The following NUFIP2 variants were observed in gnomAD, a reference collection of about 807,000 sequenced individuals.
The protein encoded by NUFIP2 is FMR1-interacting protein NUFIP2.
Under a neutral mutation model 56.9 loss-of-function variants are expected in NUFIP2, and 6 were observed. The observed-to-expected ratio is 0.11, with a 90% CI of 0.06 to 0.21. The LOEUF is 0.21. NUFIP2 is among the 10% of genes least tolerant of loss of function. NUFIP2 has a pLI of 1.00. For synonymous variants in NUFIP2, 321 were observed against 298.2 expected, an observed-to-expected ratio of 1.08 and a Z score of -0.79; for missense variants, 828 against 826.8, an observed-to-expected ratio of 1.00 and a Z score of -0.02.
rs990847252 is a variant in NUFIP2, at chr17:29,258,001, T to C, written c.*6538A>G. 6.6e-6 allele frequency: 1 copy of C among 152,298 alleles called. No individual in the cohort carries two copies. The highest frequency in any genetic ancestry group is 1.9e-4 in the East Asian group (1 of 5,192). 9.4% of individuals were successfully genotyped at this position (152,298 alleles called of 1,614,324 possible). On this transcript the variant is annotated 3_prime_UTR_variant, in exon 4 of 4. Transcript: ENST00000225388. ...GGGCAATAGAATGAGCATTTCATAC[T>C]GCATAAAAATTAGTGAGGTGGTAAG...
intron 2 of NUFIP2, among the ~76,000 whole-genome samples, chr17:29,275,358 C>G (rs1035328671): frequency 1.1e-4 from 16 of 151,960 alleles, no homozygotes; most frequent in African/African-American, 3.9e-4. Flanking sequence ...TATAAAGTAA[C>G]AGAACTGGAC....
chr17:29,286,893 G>C lies in NUFIP2; in HGVS notation c.1101C>G (p.Asn367Lys). 1 of 1,614,182 alleles carries C rather than the reference G, an allele frequency of 6.2e-7. No homozygotes were observed. The highest frequency in any genetic ancestry group is 8.5e-7 in the Non-Finnish European group (1 of 1,180,028). Residue 367 changes from asparagine to lysine, a missense_variant, in exon 2 of 4, where the codon AAC becomes AAG. By Grantham distance (94) the Asn-to-Lys change is moderately conservative. Around this residue, in one of 3 missense-constraint regions of NUFIP2, gnomAD observed 404 missense variants for 380.3 expected, o/e 1.06. Coordinates refer to ENST00000225388, the MANE Select transcript of NUFIP2 (RefSeq NM_020772.3). Reference sequence around the variant, plus strand: ...ACACAGAAGAGTTCTGTATAGTTTTGTTGAGGTTTTCCTTAACTTTGCTTG... The same window carrying C: ...ACACAGAAGAGTTCTGTATAGTTTTCTTGAGGTTTTCCTTAACTTTGCTTG... ...SYASKVKENLNKTIQNSSVSP... is the reference protein window; with the variant it reads ...SYASKVKENLKKTIQNSSVSP...
chr17:29,285,021 G>A (rs970804031), intron 2 of NUFIP2, among the ~76,000 whole-genome samples: 4 of 152,182 alleles, frequency 2.6e-5, no homozygotes, highest in African/African-American at 9.6e-5. Flanking sequence ...GCAAAGGAGA[G>A]GCTGGGCACG....
At chr17:29,275,101 C>T (rs71371111) in intron 2 of NUFIP2, among the ~76,000 whole-genome samples, 7,424 of 152,118 alleles carry the variant, frequency 0.049, 260 homozygotes, top group South Asian at 0.16. Flanking sequence ...TCACTGCAAC[C>T]TCCACCTCCT....
intron 2 of NUFIP2, among the ~76,000 whole-genome samples, chr17:29,268,990 A>T (rs893366715): frequency 6.6e-6 from 1 of 152,220 alleles, no homozygotes; most frequent in African/African-American, 2.4e-5. Flanking sequence ...AATTATAGCG[A>T]CATACACAGA....
At chr17:29,289,051 G>A (rs1244723934) in intron 1 of NUFIP2, among the ~76,000 whole-genome samples, 2 of 152,088 alleles carry the variant, frequency 1.3e-5, no homozygotes, top group Non-Finnish European at 2.9e-5. Flanking sequence ...GAGGGAGGAG[G>A]ATAGCTTGAA....
rs1378123456 is a variant in NUFIP2 at position 29,290,740 on chromosome 17, T to C, written c.278-3024A>G. 7.2e-5 allele frequency among the ~76,000 whole-genome samples: 11 copies of C among 151,764 alleles called. No individual in the cohort carries two copies. In the East Asian group the frequency reaches 2.1e-3, roughly 29 times the overall value. ...CTCTTCTCATCATTTTTAACAGATA[T>C]AACTTTATCTCCTTACCTAACTCTG... On this transcript the variant is annotated intron_variant, in intron 1 of 3. Coordinates refer to ENST00000225388, the MANE Select transcript of NUFIP2 (RefSeq NM_020772.3).
intron 1 of NUFIP2, among the ~76,000 whole-genome samples, chr17:29,288,248 T>C (rs1247817189): frequency 3.9e-4 from 59 of 152,220 alleles, no homozygotes; most frequent in Non-Finnish European, 7.4e-5. Context: ...GATTTCACCA[T>C]GTTAGCCAGG....
chr17:29,281,084 CAG>C (rs1371965618), intron 2 of NUFIP2, among the ~76,000 whole-genome samples: 1 of 151,828 alleles, frequency 6.6e-6, no homozygotes, highest in African/African-American at 2.4e-5. Flanking sequence ...CCCTTGAGGC[CAG>C]GAGTTCAAGA....
At position 29,261,071 on chromosome 17, in the gene NUFIP2, C is replaced by T. The variant is rs373267120; in HGVS notation, c.*3468G>A. On this transcript the variant is annotated 3_prime_UTR_variant, in exon 4 of 4. Coordinates refer to ENST00000225388, the MANE Select transcript of NUFIP2 (RefSeq NM_020772.3). ...GGTGAATAAAGAGAAAGATAATACA[C>T]CCTGTGTATTTTGTGGGAAAAGGGG... 7 of 152,040 alleles carry T rather than the reference C, an allele frequency of 4.6e-5. No homozygotes were observed. The highest frequency in any genetic ancestry group is 7.3e-5 in the African/African-American group (3 of 41,376). 9.4% of individuals were successfully genotyped at this position (152,040 alleles called of 1,614,324 possible).
At chr17:29,266,342 A>G (rs2069036470) in intron 3 of NUFIP2, among the ~76,000 whole-genome samples, 1 of 152,004 alleles carries the variant, frequency 6.6e-6, no homozygotes, top group Admixed American at 6.6e-5. Context: ...CGGAAGAAAG[A>G]GCAACATTGG....
chr17:29,257,656 T>C lies in NUFIP2; in HGVS notation c.*6883A>G, dbSNP rs190591923. 3 of 152,312 alleles carry C rather than the reference T, an allele frequency of 2.0e-5. No homozygotes were observed. The highest frequency in any genetic ancestry group is 6.5e-5 in the Admixed American group (1 of 15,300). The allele number at this position is 152,312 out of a possible 1,614,324, so 9.4% of individuals were successfully genotyped here. ...TGGAAAGAGCTGATAACTTGGATCA[T>C]AGCTCACACAGAATTCCAAATTAAA... is the stretch of plus-strand genomic sequence containing the variant. On this transcript the variant is annotated 3_prime_UTR_variant, in exon 4 of 4. Transcript: ENST00000225388.
In NUFIP2 at chr17:29,287,620, T is replaced by A. The variant is rs773286533; in HGVS notation, c.374A>T (p.Asn125Ile). Residue 125 changes from asparagine to isoleucine, a missense_variant, in exon 2 of 4, where the codon AAT (asparagine) becomes ATT (isoleucine). Physicochemically the swap from Asn to Ile is moderately radical, Grantham distance 149 (BLOSUM62 -3). Around this residue, in one of 3 missense-constraint regions of NUFIP2, gnomAD observed 415 missense variants for 408.7 expected, o/e 1.02. Coordinates refer to ENST00000225388, the MANE Select transcript of NUFIP2 (RefSeq NM_020772.3). ...AGTGTCTACAACTTGCTGGTTGCCA[T>A]TGAGGACCCTGGAAATAGGGTTGGT... ...EATNPISRVL[N>I]GNQQVVDTSL... 1 of 1,614,086 alleles carries A rather than the reference T, an allele frequency of 6.2e-7. No individual in the cohort carries two copies. The highest frequency in any genetic ancestry group is 1.1e-5 in the South Asian group (1 of 91,076).
intron 1 of NUFIP2, among the ~76,000 whole-genome samples, chr17:29,288,327 G>A (rs543026372): frequency 6.6e-6 from 1 of 152,378 alleles, no homozygotes; most frequent in East Asian, 1.9e-4. Flanking sequence ...TTACAGGCGT[G>A]AGCCACACGC....
At chr17:29,284,706 C>CAAAAAAAAAAAAAA (rs66700326) in intron 2 of NUFIP2, among the ~76,000 whole-genome samples, 66 of 53,258 alleles carry the variant, frequency 1.2e-3, no homozygotes, top group Middle Eastern at 0.015. Context: ...GACTCCATCT[C>CAAAAAAAAAAAAAA]AAAAAAAAAA....
At position 29,279,687 on chromosome 17, in the gene NUFIP2, AATT is replaced by A. The variant is rs1341278519; in HGVS notation, c.2002+6302_2002+6304del. Reference sequence around the variant, plus strand: ...GCCACCATGCCCAGCTAATGCTTCAAATTTTTTTGTAGAAATCAGGACTTGCTA... The same window carrying A: ...GCCACCATGCCCAGCTAATGCTTCAATTTTTGTAGAAATCAGGACTTGCTA... On this transcript the variant is annotated intron_variant, in intron 2 of 3. Transcript: ENST00000225388. Among the ~76,000 whole-genome samples, 83 of 152,028 alleles carry A rather than the reference AATT, an allele frequency of 5.5e-4. 1 individual carries two copies. Among genetic ancestry groups the A allele is most frequent in the Admixed American group, 1.4e-3 (22 of 15,246 alleles).
intron 3 of NUFIP2, among the ~76,000 whole-genome samples, chr17:29,266,635 C>T (rs556138939): frequency 1.3e-5 from 2 of 151,882 alleles, no homozygotes; most frequent in Admixed American, 1.3e-4. Context: ...AATTTCAATT[C>T]TTAGGCTGTT....
intron 2 of NUFIP2, among the ~76,000 whole-genome samples, chr17:29,278,231 T>C (rs1206077369): frequency 2.0e-5 from 3 of 151,502 alleles, no homozygotes; most frequent in African/African-American, 4.9e-5. Flanking sequence ...TTGCTCTTAT[T>C]CTAATCTCAT....
At position 29,293,769 on chromosome 17, in the gene NUFIP2, C is replaced by T; in HGVS notation, c.277+14G>A. On this transcript the variant is annotated intron_variant, in intron 1 of 3. Transcript: ENST00000225388. The stretch of plus-strand genomic sequence containing the variant: ...CCCCCAACCCCCTTCCCCCACCCGT[C>T]CTCCCTCCCAGACCTGTTTTCTTCT... 4.0e-6 allele frequency: 6 copies of T among 1,499,130 alleles called. No individual in the cohort carries two copies. Among genetic ancestry groups the T allele is most frequent in the Non-Finnish European group, 4.5e-6 (5 of 1,105,908 alleles). 92.9% of individuals were successfully genotyped at this position (1,499,130 alleles called of 1,614,324 possible).
Sources: allele counts gnomAD v4.1 joint callset (sites outside exome capture counted in the v4.1 genomes callset), GRCh38; gene constraint gnomAD v4.1.1; regional missense constraint gnomAD v4.1.1; transcripts MANE v1.5; gene names NCBI Gene and HGNC (gene_info 2026-07-23, HGNC 2026-07-21).